The following TRAK1 variants were observed in gnomAD, a reference collection of about 807,000 sequenced individuals.
The protein encoded by TRAK1 is trafficking kinesin protein 1, also known as trafficking kinesin-binding protein 1.
A neutral mutation model predicts 92.1 loss-of-function variants in TRAK1; 33 were observed. The observed-to-expected ratio is 0.36, with a 90% CI of 0.27 to 0.48. The LOEUF is 0.48. Ranked by LOEUF, TRAK1 falls within the 20% of genes least tolerant of loss-of-function variation. The pLI, the probability that TRAK1 is intolerant of heterozygous loss-of-function variation, is 0.99. For synonymous variants in TRAK1, 521 were observed against 517.3 expected (o/e 1.01, Z -0.10); for missense variants, 1,123 against 1,257.9 (o/e 0.89, Z 1.62).
intron 2 of TRAK1, among the ~76,000 whole-genome samples, chr3:42,146,631 T>C (rs1009492261): frequency 2.6e-5 from 4 of 152,334 alleles, no homozygotes; most frequent in Admixed American, 2.0e-4. Flanking sequence ...CACATCTCAC[T>C]GCAACTTTGA....
chr3:42,017,186 A>T (rs537602027), intron 1 of TRAK1, among the ~76,000 whole-genome samples: 3 of 152,292 alleles, frequency 2.0e-5, no homozygotes, highest in African/African-American at 7.2e-5. Context: ...GCTTGAACCC[A>T]GGAGGTGGAG....
intron 2 of TRAK1, chr3:42,160,545 A>C: frequency 6.9e-6 from 9 of 1,303,534 alleles, no homozygotes; most frequent in Non-Finnish European, 8.5e-6. Context: ...TGTTTTGCTG[A>C]TTTCATAGCA....
chr3:42,113,260 A>G (rs1317584931), intron 1 of TRAK1, among the ~76,000 whole-genome samples: 1 of 152,196 alleles, frequency 6.6e-6, no homozygotes, highest in African/African-American at 2.4e-5. Flanking sequence ...CAAAACAAAC[A>G]TAATATTTGC....
intron 1 of TRAK1, among the ~76,000 whole-genome samples, chr3:42,121,530 A>G (rs1216651419): frequency 2.0e-5 from 3 of 152,092 alleles, no homozygotes; most frequent in Non-Finnish European, 2.9e-5. Flanking sequence ...AAGTGCTGGG[A>G]TTACAGGCGT....
At chr3:42,160,109 T>TG in intron 2 of TRAK1, 2 of 782,028 alleles carry the variant, frequency 2.6e-6, no homozygotes, top group Non-Finnish European at 3.3e-6. Flanking sequence ...CGCCAAGTGC[T>TG]CCACCCCACC....
chr3:42,022,637 G>T (rs957303284), intron 1 of TRAK1, among the ~76,000 whole-genome samples: 1 of 151,868 alleles, frequency 6.6e-6, no homozygotes, highest in Non-Finnish European at 1.5e-5. Context: ...CAGAAGGATC[G>T]CTTGAGCCCA....
At chr3:42,031,674 A>G (rs989699000) in intron 1 of TRAK1, among the ~76,000 whole-genome samples, 2 of 152,018 alleles carry the variant, frequency 1.3e-5, no homozygotes, top group African/African-American at 4.8e-5. Flanking sequence ...ATTTGATAGT[A>G]CTTCCTCAGT....
intron 12 of TRAK1, 101 bp downstream of exon 12, chr3:42,201,155 G>A: frequency 1.6e-6 from 2 of 1,271,548 alleles, no homozygotes; most frequent in Non-Finnish European, 2.3e-6. Context: ...GTAGATGAGA[G>A]TCACCTGAAA....
intron 1 of TRAK1, among the ~76,000 whole-genome samples, chr3:42,109,459 G>C (rs1708039754): frequency 6.6e-6 from 1 of 152,212 alleles, no homozygotes; most frequent in Non-Finnish European, 1.5e-5. Context: ...AAATTCAACT[G>C]TGAAAGTGCT....
intron 1 of TRAK1, among the ~76,000 whole-genome samples, chr3:42,068,220 G>GAC (rs1703764526): frequency 6.6e-6 from 1 of 151,870 alleles, no homozygotes; most frequent in Non-Finnish European, 1.5e-5. Context: ...CAGCAGTGGT[G>GAC]TGATCATAGC....
In TRAK1 at chr3:42,223,549, G is replaced by A; in HGVS notation, c.2674G>A (p.Glu892Lys). 1.2e-6 allele frequency: 2 copies of A among 1,613,842 alleles called. No homozygotes were observed. Among genetic ancestry groups the A allele is most frequent in the Middle Eastern group, 1.6e-4 (1 of 6,062 alleles). The part of the protein sequence containing the change: ...PALVPRGLVP[E>K]GLPLRCPTVT... ...CCTTGTTCCCAGAGGCCTGGTACCT[G>A]AGGGCCTGCCCCTCAGATGCCCCAC... Residue 892 changes from glutamate (E) to lysine (K), a missense_variant, in exon 16 of 16, where the codon GAG becomes AAG. This residue lies in a region of TRAK1 where 401 missense variants were observed against 438.9 expected (regional missense o/e 0.91). Transcript: ENST00000327628. The surrounding 1 kb of genome is among the most constrained non-coding windows in gnomAD (Gnocchi z 6.1).
intron 2 of TRAK1, among the ~76,000 whole-genome samples, chr3:42,129,583 G>A (rs1001474253): frequency 2.0e-5 from 3 of 152,150 alleles, no homozygotes; most frequent in Admixed American, 1.3e-4. Flanking sequence ...AGGTGGACTT[G>A]TAACTCCTGA....
At chr3:42,189,200 T>C (rs1705322946) in intron 6 of TRAK1, 76 bp downstream of exon 6, 1 of 1,106,176 alleles carries the variant, frequency 9.0e-7, no homozygotes, top group African/African-American at 1.5e-5. Context: ...AGGACAACCA[T>C]GGTTAAGTGC....
intron 1 of TRAK1, among the ~76,000 whole-genome samples, chr3:42,071,000 T>C (rs1201018974): frequency 1.3e-5 from 2 of 152,182 alleles, no homozygotes; most frequent in African/African-American, 4.8e-5. Context: ...TCCCCATTGG[T>C]GACTTGAGGA....
chr3:42,017,358 T>C (rs367957723), intron 1 of TRAK1, among the ~76,000 whole-genome samples: 4 of 152,230 alleles, frequency 2.6e-5, no homozygotes, highest in Non-Finnish European at 5.9e-5. Flanking sequence ...CAAGAGGATG[T>C]TCTTTTTAAA....
chr3:42,080,183 G>A (rs767399431), intron 1 of TRAK1, among the ~76,000 whole-genome samples: 7 of 152,178 alleles, frequency 4.6e-5, no homozygotes, highest in Non-Finnish European at 1.0e-4. Flanking sequence ...TTAGGAACTT[G>A]CACACGTGTA....
rs1210154707 is a variant in TRAK1 at position 42,091,378 on chromosome 3, C to T, written c.-92C>T. On this transcript the variant is annotated 5_prime_UTR_variant, in exon 1 of 16. It adds an upstream start codon to the 5' untranslated region. Coordinates refer to ENST00000327628, the MANE Select transcript of TRAK1 (RefSeq NM_001042646.3). The stretch of plus-strand genomic sequence containing the variant: ...ACTCAGAAAACTGCTGAGGAAGGCA[C>T]GGGAGGGTGGCTGTGCGAGGTACTG... The T allele has an allele frequency of 1.2e-5, 14 of 1,148,990 alleles. No homozygotes were observed. Among genetic ancestry groups the T allele is most frequent in the East Asian group, 5.0e-5 (2 of 40,264 alleles). The allele number at this position is 1,148,990 out of a possible 1,614,324, so 71.2% of individuals were successfully genotyped here. A position where few individuals can be genotyped will look rare whatever the true frequency, so the allele number is the denominator to read the frequency against.
intron 1 of TRAK1, among the ~76,000 whole-genome samples, chr3:42,024,936 G>A (rs2148884916): frequency 6.6e-6 from 1 of 152,328 alleles, no homozygotes; most frequent in Middle Eastern, 3.4e-3. Context: ...TACCACATCA[G>A]TGCCAACGTG....
intron 2 of TRAK1, chr3:42,146,167 G>T (rs1359489385): frequency 2.8e-6 from 1 of 355,268 alleles, no homozygotes. Flanking sequence ...ATCTCAACAA[G>T]GAGGAAAAAA....
Sources: gnomAD v4.1 joint callset for allele counts (sites outside exome capture counted in the v4.1 genomes callset) on GRCh38, gnomAD v4.1.1 for gene constraint, gnomAD v4.1.1 regional missense constraint, Gnocchi (gnomAD v3.1) non-coding constraint, MANE v1.5 for transcripts, NCBI Gene and HGNC (gene_info 2026-07-23, HGNC 2026-07-21) for gene names.